Variants in RDX observed in about 807,000 individuals in gnomAD.
RDX encodes the protein deafness, autosomal recessive 24.
A neutral mutation model predicts 83.7 loss-of-function variants in RDX; 32 were observed. The observed-to-expected ratio is 0.38, with a 90% CI of 0.29 to 0.51. The LOEUF (loss-of-function observed/expected upper bound fraction) is 0.51, where lower values mean the gene tolerates loss of function less well. Ranked by LOEUF, RDX falls within the 20% of genes least tolerant of loss-of-function variation. RDX has a pLI of 0.87. For synonymous variants in RDX, 229 were observed against 222.7 expected (o/e 1.03, Z -0.25); for missense variants, 600 against 689.9 (o/e 0.87, Z 1.46).
chr11:110,222,399 C>T (rs1864280552), intron 14 of RDX, among the ~76,000 whole-genome samples: 1 of 152,166 alleles, frequency 6.6e-6, no homozygotes, highest in Non-Finnish European at 1.5e-5. Flanking sequence ...TAAACTATAT[C>T]CAGAGGATTA....
chr11:110,202,122 T>C (rs1863431952), intron 14 of RDX, among the ~76,000 whole-genome samples: 1 of 151,976 alleles, frequency 6.6e-6, no homozygotes, highest in African/African-American at 2.4e-5. Context: ...GTACAGGCCA[T>C]GGCTCACACC....
intron 12 of RDX, among the ~76,000 whole-genome samples, chr11:110,233,822 T>C (rs576282355): frequency 6.6e-6 from 1 of 152,314 alleles, no homozygotes; most frequent in Non-Finnish European, 1.5e-5. Context: ...ATTCATATAA[T>C]GCCTAAGAAT....
At chr11:110,196,022 A>C (rs1449380763) in intron 15 of RDX, 1 of 152,276 alleles carries the variant, frequency 6.6e-6, no homozygotes, top group Non-Finnish European at 1.5e-5. Context: ...TGAGAAGAGG[A>C]GAGAACCATG....
chr11:110,247,568 T>C, intron 10 of RDX, 135 bp downstream of exon 10: 1 of 831,512 alleles, frequency 1.2e-6, no homozygotes, highest in Non-Finnish European at 1.9e-6. Context: ...GTGATTCCAC[T>C]AAGTATTAAT....
In RDX at chr11:110,215,049, A is replaced by AAT. The variant is rs572205859; in HGVS notation, c.1749-15373_1749-15372dup. ...TAGGAGACCTAACAAAAAAAAAAAAAATATATATATATATATATATAATGC... is the reference window on the plus strand; with the variant it reads ...TAGGAGACCTAACAAAAAAAAAAAAAATATATATATATATATATATATAATGC... On this transcript the variant is annotated intron_variant, in intron 14 of 15. Transcript: ENST00000528498. 9.9e-3 allele frequency among the ~76,000 whole-genome samples: 967 copies of AAT among 97,190 alleles called. 21 individuals carry two copies. The highest frequency in any genetic ancestry group is 0.045 in the Admixed American group (416 of 9,216). The allele number at this position is 97,190 out of a possible 152,430, so 63.8% of individuals were successfully genotyped here. A position where few individuals can be genotyped will look rare whatever the true frequency, so the allele number is the denominator to read the frequency against.
intron 8 of RDX, among the ~76,000 whole-genome samples, chr11:110,254,996 C>A (rs1029316864): frequency 6.6e-6 from 1 of 152,146 alleles, no homozygotes; most frequent in Non-Finnish European, 1.5e-5. Context: ...TGAAGAAACA[C>A]TTTAAAATTG....
In RDX at chr11:110,232,155, T is replaced by C. The variant is rs1049560590; in HGVS notation, c.1588-122A>G. ...CATTTCCACTGTGAAACCTTTTTCT[T>C]TAGGTATAAGTTTGTTTTAGTAATA... On this transcript the variant is annotated intron_variant, in intron 13 of 13. Coordinates refer to ENST00000645495, the MANE Select transcript of RDX (RefSeq NM_002906.4). 8 of 816,472 alleles carry C rather than the reference T, an allele frequency of 9.8e-6. No homozygotes were observed. The Admixed American group carries it at 1.1e-4, about 11-fold the overall frequency. The allele number at this position is 816,472 out of a possible 1,614,324, so 50.6% of individuals were successfully genotyped here.
chr11:110,186,126 T>C (rs1862982322), intron 15 of RDX, among the ~76,000 whole-genome samples: 1 of 152,258 alleles, frequency 6.6e-6, no homozygotes, highest in Non-Finnish European at 1.5e-5. Context: ...ATCTGATAGT[T>C]ACAGAAGCAC....
chr11:110,196,130 T>C (rs1591503336), intron 15 of RDX: 1 of 152,158 alleles, frequency 6.6e-6, no homozygotes, highest in East Asian at 1.9e-4. Flanking sequence ...GGTATGTCCT[T>C]ATCCTAAAGC....
At chr11:110,198,529 C>T (rs370354671) in intron 15 of RDX, among the ~76,000 whole-genome samples, 7 of 152,190 alleles carry the variant, frequency 4.6e-5, no homozygotes, top group African/African-American at 1.4e-4. Flanking sequence ...GCCTGAGCGC[C>T]GCCTCTTGTC....
Position 110,290,798 on chromosome 11 carries a change from AAACAAGTCAGCTACG to A in RDX, c.-65+5654_-65+5668del, listed in dbSNP as rs1861212025. 5.3e-5 allele frequency among the ~76,000 whole-genome samples: 8 copies of A among 151,678 alleles called. 1 individual carries two copies. The South Asian group carries it at 1.7e-3, about 32-fold the overall frequency. ...AGGAAAGCAGCCATAGATAATATGT[AAACAAGTCAGCTACG>A]ATGTGTTCAAATAAAACTTTATAAA... On this transcript the variant is annotated intron_variant, in intron 1 of 13. Transcript: ENST00000645495.
intron 10 of RDX, 112 bp from the exon 11 acceptor site, chr11:110,237,764 C>T (rs1398048284): frequency 8.4e-7 from 1 of 1,193,430 alleles, no homozygotes; most frequent in Non-Finnish European, 1.2e-6. Flanking sequence ...TAAAAGTTAG[C>T]ACACATGTAA....
chr11:110,264,662 G>A (rs1859948156), intron 4 of RDX, 117 bp downstream of exon 4: 1 of 666,738 alleles, frequency 1.5e-6, no homozygotes, highest in Admixed American at 2.7e-5. Flanking sequence ...ACCTCATAAT[G>A]ATTAACAGAT....
In RDX at chr11:110,247,415, T is replaced by C. The variant is rs372893612; in HGVS notation, c.1090+288A>G. Among the ~76,000 whole-genome samples, 82 of 152,290 alleles carry C rather than the reference T, an allele frequency of 5.4e-4. No homozygotes were observed. The South Asian group carries it at 5.4e-3, about 10-fold the overall frequency. On this transcript the variant is annotated intron_variant, in intron 10 of 13. Transcript: ENST00000645495. Reference sequence around the variant, plus strand: ...GTTTTTTGTTTATAAAGCCCATATATACATTTACAATTATTTAAGAATACA... The same window carrying C: ...GTTTTTTGTTTATAAAGCCCATATACACATTTACAATTATTTAAGAATACA...
At chr11:110,279,093 T>C (rs1860643439) in intron 2 of RDX, among the ~76,000 whole-genome samples, 3 of 152,208 alleles carry the variant, frequency 2.0e-5, no homozygotes, top group Non-Finnish European at 4.4e-5. Flanking sequence ...CCTCTCATTA[T>C]TTCCTCCCAT....
At chr11:110,277,851 T>C (rs1009739728) in intron 2 of RDX, among the ~76,000 whole-genome samples, 4 of 152,210 alleles carry the variant, frequency 2.6e-5, no homozygotes, top group Non-Finnish European at 5.9e-5. Context: ...TTTCTGTGTA[T>C]TACATAACAA....
In RDX at chr11:110,231,524, T is replaced by A. The variant is rs544220930; in HGVS notation, c.*345A>T. ...AAACCCATTAAAATGTTCACCATTA[T>A]CCTTTAAAATGTACACAGAACTGAA... On this transcript the variant is annotated 3_prime_UTR_variant, in exon 14 of 14. Coordinates refer to ENST00000645495, the MANE Select transcript of RDX (RefSeq NM_002906.4). 1.5e-4 allele frequency: 46 copies of A among 309,150 alleles called. No homozygotes were observed. The highest frequency in any genetic ancestry group is 9.6e-4 in the African/African-American group (45 of 46,654). 19.2% of individuals were successfully genotyped at this position (309,150 alleles called of 1,614,324 possible). A position where few individuals can be genotyped will look rare whatever the true frequency, so the allele number is the denominator to read the frequency against.
intron 1 of RDX, among the ~76,000 whole-genome samples, chr11:110,287,370 T>C (rs141117173): frequency 2.2e-4 from 33 of 152,234 alleles, no homozygotes; most frequent in Non-Finnish European, 4.3e-4. Context: ...AATTAAAAAA[T>C]AGACGACACA....
In RDX at chr11:110,211,340, G is replaced by C. The variant is rs61900213; in HGVS notation, c.1749-11662C>G. Among the ~76,000 whole-genome samples the C allele has an allele frequency of 7.0e-3, 1,067 of 151,876 alleles. 18 individuals carry two copies. Among genetic ancestry groups the C allele is most frequent in the African/African-American group, 0.023 (945 of 41,364 alleles). On this transcript the variant is annotated intron_variant, in intron 14 of 15. Transcript: ENST00000528498. Reference sequence around the variant, plus strand: ...AGCACCAAGATTCATAAAGCAAGTCGTGAGTGACCTACAAAGAGACTTAGA... The same window carrying C: ...AGCACCAAGATTCATAAAGCAAGTCCTGAGTGACCTACAAAGAGACTTAGA...
Sources: gnomAD v4.1 joint callset for allele counts (sites outside exome capture counted in the v4.1 genomes callset) on GRCh38, gnomAD v4.1.1 for gene constraint, MANE v1.5 for transcripts, NCBI Gene and HGNC (gene_info 2026-07-23, HGNC 2026-07-21) for gene names.